The following STAT5B variants were observed in gnomAD, a reference collection of about 807,000 sequenced individuals.
The protein encoded by STAT5B is transcription factor STAT5B.
STAT5B carries 21 observed loss-of-function variants against 107.8 expected under a neutral mutation model. The observed-to-expected ratio is 0.19, with a 90% CI of 0.14 to 0.28. The LOEUF is 0.28. Ranked by LOEUF, STAT5B falls within the 10% of genes least tolerant of loss-of-function variation. The pLI, the probability that STAT5B is intolerant of heterozygous loss-of-function variation, is 1.00. For missense variants in STAT5B, 565 were observed against 1,008.2 expected, an observed-to-expected ratio of 0.56 and a Z score of 5.95; for synonymous variants, 325 against 401.7, an observed-to-expected ratio of 0.81 and a Z score of 2.28.
At chr17:42,246,120 T>C (rs912293241) in intron 1 of STAT5B, among the ~76,000 whole-genome samples, 3 of 152,194 alleles carry the variant, frequency 2.0e-5, no homozygotes, top group Non-Finnish European at 4.4e-5. Context: ...AAGTTTTTGA[T>C]TAAATTGTGT....
intron 1 of STAT5B, chr17:42,275,532 G>C (rs978635687): frequency 6.6e-6 from 1 of 152,220 alleles, no homozygotes; most frequent in Non-Finnish European, 1.5e-5. Context: ...CCTCAGACCA[G>C]CTTTTGTGAT....
intron 5 of STAT5B, among the ~76,000 whole-genome samples, chr17:42,220,963 C>T (rs950899048): frequency 4.1e-5 from 6 of 146,928 alleles, no homozygotes; most frequent in African/African-American, 1.5e-4. Flanking sequence ...TTAATCCCTT[C>T]CCATCACCTT....
At chr17:42,221,738 G>A (rs1272510469) in intron 5 of STAT5B, among the ~76,000 whole-genome samples, 1 of 152,150 alleles carries the variant, frequency 6.6e-6, no homozygotes, top group East Asian at 1.9e-4. Context: ...CTCAATAACT[G>A]TTATGTTTCA....
At chr17:42,282,851 G>A in the STAT5B span, among the ~76,000 whole-genome samples, 1 of 152,192 alleles carries the variant, frequency 6.6e-6, no homozygotes, top group Non-Finnish European at 1.5e-5. Context: ...AGGTGGCCAA[G>A]GGAGGAATGA....
At chr17:42,207,861 A>G in intron 15 of STAT5B, 133 bp from the exon 16 acceptor site, 2 of 879,192 alleles carry the variant, frequency 2.3e-6, no homozygotes, top group Non-Finnish European at 3.5e-6. Flanking sequence ...AAAAATAACC[A>G]TGGGTTATAG....
intron 2 of STAT5B, among the ~76,000 whole-genome samples, chr17:42,230,441 G>C (rs1157125587): frequency 6.6e-6 from 1 of 152,154 alleles, no homozygotes; most frequent in Non-Finnish European, 1.5e-5. Context: ...ACCTTGAGCA[G>C]AGCAGTGTAC....
In STAT5B at chr17:42,199,426, A is replaced by C. The variant is rs762930453; in HGVS notation, c.*2312T>G. On this transcript the variant is annotated 3_prime_UTR_variant, in exon 19 of 19. Transcript: ENST00000293328. ...TTCATTTTAAGTTATATTCGATTTT[A>C]GTCTCCCCCTACCCCCTAGAAAAAA... is the stretch of plus-strand genomic sequence containing the variant. 1 of 152,312 alleles carries C rather than the reference A, an allele frequency of 6.6e-6. No homozygotes were observed. The highest frequency in any genetic ancestry group is 2.4e-5 in the African/African-American group (1 of 41,442). 9.4% of individuals were successfully genotyped at this position (152,312 alleles called of 1,614,324 possible).
chr17:42,262,828 ATATATACACACATATATATG>A lies in STAT5B; in HGVS notation c.-11+13400_-11+13419del, dbSNP rs1243131294. Among the ~76,000 whole-genome samples the A allele has an allele frequency of 4.1e-5, 5 of 121,982 alleles. No individual in the cohort carries two copies. The East Asian group carries it at 7.6e-4, about 19-fold the overall frequency. The allele number at this position is 121,982 out of a possible 152,430, so 80.0% of individuals were successfully genotyped here. ...TATATATACACACATATATATGTGT[ATATATACACACATATATATG>A]TATATACACACATATATGTGTGTGT... On this transcript the variant is annotated intron_variant, in intron 1 of 18. Transcript: ENST00000293328.
rs1342307720 is a variant in STAT5B, at chr17:42,219,349, C to T, written c.796G>A (p.Gly266Arg). 1 of 1,476,998 alleles carries T rather than the reference C, an allele frequency of 6.8e-7. No individual in the cohort carries two copies. Among genetic ancestry groups the T allele is most frequent in the Admixed American group, 2.4e-5 (1 of 41,466 alleles). The allele number at this position is 1,476,998 out of a possible 1,614,324, so 91.5% of individuals were successfully genotyped here. ...KRRQQLAGNG[G>R]PPEGSLDVLQ... ...ACGTCCAGGCTGCCCTCGGGGGGCC[C>T]GCCGTTCCCGGCCAGCTGCTGCCGC... The change falls in exon 7 of 19, where the codon GGG becomes AGG. Residue 266 changes from glycine (G) to arginine (R), a missense_variant. Gly to Arg is a moderately radical substitution (Grantham distance 125). Transcript: ENST00000293328.
At chr17:42,203,365 C>T (rs2080061167) in intron 16 of STAT5B, among the ~76,000 whole-genome samples, 1 of 151,658 alleles carries the variant, frequency 6.6e-6, no homozygotes, top group Non-Finnish European at 1.5e-5. Flanking sequence ...ACCATGGAAA[C>T]TATGTACTTC....
chr17:42,262,007 G>T (rs1340140173), intron 1 of STAT5B, among the ~76,000 whole-genome samples: 1 of 152,016 alleles, frequency 6.6e-6, no homozygotes. Context: ...GCCTAAAATA[G>T]ATTTTTACTT....
intron 1 of STAT5B, among the ~76,000 whole-genome samples, chr17:42,262,875 TATATACAC>T: frequency 7.8e-6 from 1 of 127,988 alleles, no homozygotes; most frequent in South Asian, 2.3e-4. Flanking sequence ...TGTGTGTGTA[TATATACAC>T]ATATATATGT....
At chr17:42,260,121 AC>A (rs752452526) in intron 1 of STAT5B, among the ~76,000 whole-genome samples, 1 of 152,216 alleles carries the variant, frequency 6.6e-6, no homozygotes, top group Non-Finnish European at 1.5e-5. Flanking sequence ...CGACTGGGGA[AC>A]TGAATTGCAA....
chr17:42,218,943 G>A (rs1487114572), intron 7 of STAT5B, 65 bp from the exon 8 acceptor site: 5 of 1,613,154 alleles, frequency 3.1e-6, no homozygotes, highest in African/African-American at 1.3e-5. Context: ...CAGGCCCCAA[G>A]ACACAGCTCC....
intron 12 of STAT5B, among the ~76,000 whole-genome samples, chr17:42,215,202 T>C (rs890288190): frequency 1.3e-5 from 2 of 152,160 alleles, no homozygotes; most frequent in Admixed American, 6.6e-5. Flanking sequence ...GGAAAAGACA[T>C]TTAACAGCAT....
chr17:42,274,281 CAAAAAAAAAAAA>C (rs534342062), intron 1 of STAT5B, among the ~76,000 whole-genome samples: 5 of 62,530 alleles, frequency 8.0e-5, no homozygotes, highest in East Asian at 1.1e-3. Context: ...GTTTGCTTTA[CAAAAAAAAAAAA>C]AAAAAAAAAA....
chr17:42,203,089 A>C (rs1171694421), intron 16 of STAT5B: 2 of 453,844 alleles, frequency 4.4e-6, no homozygotes, highest in Non-Finnish European at 4.1e-6. Context: ...TTACAGGTAC[A>C]CCACCACACT....
At position 42,217,175 on chromosome 17, in the gene STAT5B, C is replaced by T; in HGVS notation, c.1365G>A (p.Leu455=). 1 of 1,613,054 alleles carries T rather than the reference C, an allele frequency of 6.2e-7. No homozygotes were observed. Among genetic ancestry groups the T allele is most frequent in the Non-Finnish European group, 8.5e-7 (1 of 1,179,506 alleles). The change falls in exon 11 of 19, where the codon CTG becomes CTA. Residue 455 remains leucine (L), a synonymous_variant. Transcript: ENST00000293328. ...AAGGCTTTACCTTGACTTGAAAAAC[C>T]AGCTCATTTCCACCAACACTGAACT... The part of the protein sequence containing the change: ...ESQFSVGGNE[L]VFQVKTLSLP...
chr17:42,202,518 G>A (rs2080053673), intron 17 of STAT5B, 71 bp from the exon 18 acceptor site: 6 of 1,558,188 alleles, frequency 3.9e-6, no homozygotes, highest in South Asian at 1.1e-5. Context: ...AGGGGACCAA[G>A]GGGTATCTTT....
Sources: gnomAD v4.1 joint callset for allele counts (sites outside exome capture counted in the v4.1 genomes callset) on GRCh38, gnomAD v4.1.1 for gene constraint, MANE v1.5 for transcripts, NCBI Gene and HGNC (gene_info 2026-07-23, HGNC 2026-07-21) for gene names.